RNASEH2B: variants seen among roughly 807,000 people sequenced by gnomAD.
The protein encoded by RNASEH2B is ribonuclease H2 subunit B.
In RNASEH2B, 36 loss-of-function variants were observed where a neutral mutation model predicts 45.0. The ratio of observed to expected loss-of-function variants is 0.80; its 90% confidence interval spans 0.61 to 1.06. RNASEH2B has a LOEUF of 1.06. Among genes scored for constraint, RNASEH2B ranks in the 50% least tolerant of loss-of-function variants. The pLI, the probability that RNASEH2B is intolerant of heterozygous loss-of-function variation, is 0.00. For missense variants in RNASEH2B, 361 were observed against 360.3 expected (o/e 1.00, Z -0.02); for synonymous variants, 119 against 125.7 (o/e 0.95, Z 0.35).
At chr13:50,948,756 AGTC>A (rs1229778753) in intron 8 of RNASEH2B, 1 of 152,198 alleles carries the variant, frequency 6.6e-6, no homozygotes, top group Admixed American at 6.5e-5. Flanking sequence ...TTATCCTCTG[AGTC>A]ATGAAGATAA....
chr13:50,956,812 G>A (rs1952057205), downstream of RNASEH2B: 3 of 863,878 alleles, frequency 3.5e-6, no homozygotes, highest in Admixed American at 5.1e-5. Flanking sequence ...AGTAGGTTTA[G>A]TAATAATATT....
At chr13:50,919,771 C>T (rs1167388284) in intron 1 of RNASEH2B, among the ~76,000 whole-genome samples, 3 of 152,184 alleles carry the variant, frequency 2.0e-5, no homozygotes, top group Admixed American at 6.5e-5. Flanking sequence ...TTGACTTGCA[C>T]TCTGACCTTC....
At chr13:50,945,830 T>G (rs888225078) in intron 7 of RNASEH2B, among the ~76,000 whole-genome samples, 1 of 152,222 alleles carries the variant, frequency 6.6e-6, no homozygotes, top group Admixed American at 6.5e-5. Context: ...CCAGGCCCTT[T>G]GCTAAGTTGC....
chr13:50,949,661 T>G (rs1951952146), intron 9 of RNASEH2B, among the ~76,000 whole-genome samples, 156 bp downstream of exon 9: 1 of 152,152 alleles, frequency 6.6e-6, no homozygotes, highest in African/African-American at 2.4e-5. Context: ...GGGCTCTCCA[T>G]CACTATTTTT....
chr13:50,948,615 A>G (rs1440517984), intron 8 of RNASEH2B: 1 of 152,416 alleles, frequency 6.6e-6, no homozygotes, highest in Non-Finnish European at 1.5e-5. Context: ...ATACATTTAG[A>G]CTTTAAGTTG....
At chr13:50,962,788 A>G (rs1952124086) in intron 9 of RNASEH2B, among the ~76,000 whole-genome samples, 1 of 152,124 alleles carries the variant, frequency 6.6e-6, no homozygotes, top group Non-Finnish European at 1.5e-5. Flanking sequence ...CAAGTTGACT[A>G]TGATGTGTTG....
intron 7 of RNASEH2B, among the ~76,000 whole-genome samples, 191 bp from the exon 8 acceptor site, chr13:50,947,796 T>C (rs1951922826): frequency 1.3e-5 from 2 of 152,102 alleles, no homozygotes; most frequent in Non-Finnish European, 2.9e-5. Context: ...TCATCCCTCA[T>C]ATCTTCCCAC....
At position 50,927,444 on chromosome 13, in the gene RNASEH2B, G is replaced by A. The variant is rs764270783; in HGVS notation, c.102G>A (p.Gly34=). 6.2e-6 allele frequency: 10 copies of A among 1,602,134 alleles called. No homozygotes were observed. The highest frequency in any genetic ancestry group is 1.1e-5 in the South Asian group (1 of 90,818). ...LKDASKKMKN[G]LMFVKLVNPC... Reference sequence around the variant, plus strand: ...ATGCTTCAAAGAAGATGAAAAATGGGCTAATGTTTGTAAAACTGGTTAACC... The same window carrying A: ...ATGCTTCAAAGAAGATGAAAAATGGACTAATGTTTGTAAAACTGGTTAACC... The change falls in exon 2 of 11, where the codon GGG becomes GGA. Residue 34 remains glycine (G), a synonymous_variant. Coordinates refer to ENST00000336617, the MANE Select transcript of RNASEH2B (RefSeq NM_024570.4).
chr13:50,934,890 G>A lies in RNASEH2B; in HGVS notation c.327G>A (p.Lys109=), dbSNP rs1444175430. The A allele has an allele frequency of 6.8e-6, 11 of 1,609,724 alleles. No homozygotes were observed. In the Admixed American group the frequency reaches 1.7e-4, roughly 24 times the overall value. The part of the protein sequence containing the change: ...HYLIKADKEG[K]FQPLDQVVVD... ...CCAACTAACTGTTTTTTCAGGGGAAGTTTCAGCCCCTTGATCAAGTTGTGG... is the reference window on the plus strand; with the variant it reads ...CCAACTAACTGTTTTTTCAGGGGAAATTTCAGCCCCTTGATCAAGTTGTGG... The change falls in exon 5 of 11, where the codon AAG becomes AAA. Residue 109 remains lysine, a synonymous_variant. Coordinates refer to ENST00000336617, the MANE Select transcript of RNASEH2B (RefSeq NM_024570.4).
intron 9 of RNASEH2B, among the ~76,000 whole-genome samples, chr13:50,961,907 A>G (rs1184646939): frequency 6.6e-6 from 1 of 152,130 alleles, no homozygotes; most frequent in Non-Finnish European, 1.5e-5. Context: ...ATAGGTATTT[A>G]TCATATGTGG....
At chr13:50,948,841 G>A (rs1396525418) in intron 8 of RNASEH2B, 1 of 152,072 alleles carries the variant, frequency 6.6e-6, no homozygotes, top group Non-Finnish European at 1.5e-5. Flanking sequence ...AACAATGATT[G>A]GAAACTGGTT....
chr13:50,968,981 A>ACATGT (rs1244682441), intron 9 of RNASEH2B, among the ~76,000 whole-genome samples: 5 of 152,328 alleles, frequency 3.3e-5, no homozygotes, highest in African/African-American at 1.2e-4. Flanking sequence ...TTAAAGTTAG[A>ACATGT]CATGTTGTTC....
At chr13:50,966,770 C>A (rs1352916031) in intron 9 of RNASEH2B, among the ~76,000 whole-genome samples, 2 of 152,112 alleles carry the variant, frequency 1.3e-5, no homozygotes, top group East Asian at 3.8e-4. Context: ...TTATTTGGGG[C>A]CTTAGCAAGA....
intron 8 of RNASEH2B, chr13:50,948,723 T>C (rs1206310549): frequency 6.6e-6 from 1 of 152,234 alleles, no homozygotes; most frequent in Non-Finnish European, 1.5e-5. Context: ...TTAATAGCTT[T>C]TCCTGATCCT....
At chr13:50,943,218 A>C in intron 5 of RNASEH2B, 103 bp from the exon 6 acceptor site, 2 of 750,438 alleles carry the variant, frequency 2.7e-6, no homozygotes, top group East Asian at 5.1e-5. Flanking sequence ...TCAAGAATTT[A>C]AACTTACAAA....
chr13:50,963,290 A>C (rs1426881298), intron 9 of RNASEH2B, among the ~76,000 whole-genome samples: 1 of 151,934 alleles, frequency 6.6e-6, no homozygotes, highest in Non-Finnish European at 1.5e-5. Context: ...TCAGCCTCCC[A>C]AGTAGCTGGG....
chr13:50,929,591 C>T lies in RNASEH2B; in HGVS notation c.244+9C>T, dbSNP rs748268980. On this transcript the variant is annotated intron_variant, in intron 3 of 10. Coordinates refer to ENST00000336617, the MANE Select transcript of RNASEH2B (RefSeq NM_024570.4). ...TCAATCAGTTCAATCAGGTAGGTGA[C>T]TAGTGTAAGCATTTCCAATAACTAA... 6.6e-7 allele frequency: 1 copy of T among 1,505,130 alleles called. No individual in the cohort carries two copies. Among genetic ancestry groups the T allele is most frequent in the Non-Finnish European group, 9.2e-7 (1 of 1,081,106 alleles). The allele number at this position is 1,505,130 out of a possible 1,614,324, so 93.2% of individuals were successfully genotyped here. A position where few individuals can be genotyped will look rare whatever the true frequency, so the allele number is the denominator to read the frequency against.
intron 7 of RNASEH2B, 143 bp downstream of exon 7, chr13:50,945,675 C>T (rs934364301): frequency 4.5e-6 from 3 of 669,104 alleles, no homozygotes; most frequent in Non-Finnish European, 8.2e-6. Context: ...GGCAGGTGTG[C>T]ATCTTATTTC....
chr13:50,953,390 T>C (rs774526064), intron 9 of RNASEH2B: 1 of 164,442 alleles, frequency 6.1e-6, no homozygotes, highest in Non-Finnish European at 1.3e-5. Context: ...AGCCTCTCTG[T>C]GCTTCCCTCT....
Sources: allele counts gnomAD v4.1 joint callset (sites outside exome capture counted in the v4.1 genomes callset), GRCh38; gene constraint gnomAD v4.1.1; transcripts MANE v1.5; gene names NCBI Gene and HGNC (gene_info 2026-07-23, HGNC 2026-07-21).